The following LNP1 variants were observed in gnomAD, a reference collection of about 807,000 sequenced individuals.
The protein encoded by LNP1 is leukemia NUP98 fusion partner 1.
LNP1 carries 12 observed loss-of-function variants against 14.5 expected under a neutral mutation model. The ratio of observed to expected loss-of-function variants is 0.83; its 90% confidence interval spans 0.53 to 1.34. The LOEUF (loss-of-function observed/expected upper bound fraction) is 1.34, where lower values mean the gene tolerates loss of function less well. Among genes scored for constraint, LNP1 ranks in the 40% most tolerant of loss-of-function variants. LNP1 has a pLI of 0.00. For missense variants in LNP1, 198 were observed against 210.9 expected (o/e 0.94, Z 0.38); for synonymous variants, 75 against 71.4 (o/e 1.05, Z -0.26).
chr3:100,412,292 C>T (rs1025976102), intron 1 of LNP1, among the ~76,000 whole-genome samples: 2 of 152,166 alleles, frequency 1.3e-5, no homozygotes, highest in Non-Finnish European at 2.9e-5. Flanking sequence ...GAACTCACTA[C>T]CGTGAGAATA....
intron 3 of LNP1, among the ~76,000 whole-genome samples, 178 bp downstream of exon 3, chr3:100,452,127 T>C (rs1707466062): frequency 6.6e-6 from 1 of 152,098 alleles, no homozygotes; most frequent in Non-Finnish European, 1.5e-5. Flanking sequence ...AAGAATATTA[T>C]TTATAATTGA....
At chr3:100,409,606 A>ATATATT (rs1429906485) in intron 1 of LNP1, among the ~76,000 whole-genome samples, 11 of 124,436 alleles carry the variant, frequency 8.8e-5, no homozygotes, top group African/African-American at 3.5e-4. Context: ...ATATATATAT[A>ATATATT]TTTTTTTTTT....
intron 1 of LNP1, among the ~76,000 whole-genome samples, chr3:100,422,772 A>G (rs943875877): frequency 4.0e-5 from 6 of 149,730 alleles, no homozygotes; most frequent in Admixed American, 6.7e-5. Context: ...TTATAGGCAA[A>G]TCTCTGAAAA....
intron 3 of LNP1, 126 bp from the exon 4 acceptor site, chr3:100,455,651 C>A: frequency 1.1e-6 from 1 of 893,606 alleles, no homozygotes; most frequent in Non-Finnish European, 1.8e-6. Flanking sequence ...TAATTTATTT[C>A]TAGAAACCAA....
rs2148903403 is a variant in LNP1 at position 100,429,824 on chromosome 3, G to A, written c.95G>A (p.Gly32Glu). The A allele has an allele frequency of 3.7e-6, 6 of 1,613,936 alleles. No individual in the cohort carries two copies. The highest frequency in any genetic ancestry group is 2.5e-6 in the Non-Finnish European group (3 of 1,179,954). Residue 32 changes from glycine (G) to glutamate (E), a missense_variant, in exon 2 of 4, where the codon GGA (glycine) becomes GAA (glutamate). Gly to Glu is a moderately conservative substitution (Grantham distance 98). Coordinates refer to ENST00000383693, the MANE Select transcript of LNP1 (RefSeq NM_001085451.2). ...AGCTGGAGAGAGGAGGATCAGAGAG[G>A]ACTCCGGGAACGCCACCGACTGCAA... ...GHSWREEDQR[G>E]LRERHRLQAT...
chr3:100,409,587 CACACAT>C (rs1460246231), intron 1 of LNP1, among the ~76,000 whole-genome samples: 145 of 112,462 alleles, frequency 1.3e-3, no homozygotes, highest in African/African-American at 6.9e-3. Flanking sequence ...CACACACACA[CACACAT>C]ATATATATAT....
intron 2 of LNP1, among the ~76,000 whole-genome samples, chr3:100,442,757 AC>A (rs1707356319): frequency 6.6e-6 from 1 of 152,064 alleles, no homozygotes; most frequent in African/African-American, 2.4e-5. Context: ...TTTTTCTTTC[AC>A]ATTTCCCTCC....
chr3:100,440,864 A>T (rs1326597672), intron 2 of LNP1, among the ~76,000 whole-genome samples: 4 of 152,194 alleles, frequency 2.6e-5, no homozygotes, highest in Non-Finnish European at 5.9e-5. Flanking sequence ...TCTGGCAGGA[A>T]CCTGAACCAA....
At chr3:100,412,517 C>G (rs904611457) in intron 1 of LNP1, among the ~76,000 whole-genome samples, 1 of 152,150 alleles carries the variant, frequency 6.6e-6, no homozygotes, top group Non-Finnish European at 1.5e-5. Context: ...TCCCAGAATA[C>G]TTTTTCTGGG....
intron 2 of LNP1, among the ~76,000 whole-genome samples, chr3:100,435,503 A>C (rs977500467): frequency 2.6e-5 from 4 of 152,212 alleles, no homozygotes; most frequent in African/African-American, 9.6e-5. Context: ...TTATTTATTA[A>C]AAAAATAATT....
chr3:100,436,138 G>C (rs1345675338), intron 2 of LNP1, among the ~76,000 whole-genome samples: 2 of 152,194 alleles, frequency 1.3e-5, no homozygotes, highest in African/African-American at 4.8e-5. Context: ...GTGGCGGTCA[G>C]AATATAGTTT....
chr3:100,407,662 ACTG>A (rs1241826983), intron 1 of LNP1, among the ~76,000 whole-genome samples: 1 of 152,212 alleles, frequency 6.6e-6, no homozygotes, highest in Non-Finnish European at 1.5e-5. Context: ...TTCTGCTATT[ACTG>A]CTTTAAATAA....
chr3:100,455,843 A>G lies in LNP1; in HGVS notation c.454A>G (p.Lys152Glu), dbSNP rs753750937. The change falls in exon 4 of 4, where the codon AAA becomes GAA. Residue 152 changes from lysine (K) to glutamate (E), a missense_variant. Physicochemically the swap from Lys to Glu is moderately conservative, Grantham distance 56. Coordinates refer to ENST00000383693, the MANE Select transcript of LNP1 (RefSeq NM_001085451.2). ...GAGGATGGAGATAAAATCCCGAAAGAAAGTAGAGGAAGAAAGGAGCTCTAG... is the reference window on the plus strand; with the variant it reads ...GAGGATGGAGATAAAATCCCGAAAGGAAGTAGAGGAAGAAAGGAGCTCTAG... The part of the protein sequence containing the change: ...CLRMEIKSRK[K>E]VEEERSSRKE... The G allele has an allele frequency of 1.9e-6, 3 of 1,614,136 alleles. No homozygotes were observed. In the East Asian group the frequency reaches 6.7e-5, roughly 36 times the overall value.
chr3:100,442,888 G>C (rs1707357663), intron 2 of LNP1, among the ~76,000 whole-genome samples: 1 of 152,176 alleles, frequency 6.6e-6, no homozygotes, highest in Non-Finnish European at 1.5e-5. Context: ...TAGGTCCTGA[G>C]TTGTTATGCA....
At chr3:100,435,932 C>T (rs1379497405) in intron 2 of LNP1, among the ~76,000 whole-genome samples, 2 of 152,144 alleles carry the variant, frequency 1.3e-5, no homozygotes, top group African/African-American at 4.8e-5. Context: ...CATAAACTGG[C>T]TAGAACCAGT....
intron 2 of LNP1, among the ~76,000 whole-genome samples, chr3:100,436,745 A>C (rs1707297840): frequency 6.6e-6 from 1 of 152,102 alleles, no homozygotes; most frequent in Non-Finnish European, 1.5e-5. Context: ...CCCTTCCCCC[A>C]TTCATATGCT....
chr3:100,431,995 TATATATATATA>T, intron 2 of LNP1, among the ~76,000 whole-genome samples: 1 of 978 alleles, frequency 1.0e-3, no homozygotes, highest in Non-Finnish European at 2.9e-3. Flanking sequence ...ACCTTGTTTA[TATATATATATA>T]TATATATATA....
intron 2 of LNP1, among the ~76,000 whole-genome samples, chr3:100,451,056 A>G (rs1468385821): frequency 6.6e-6 from 1 of 152,150 alleles, no homozygotes; most frequent in Non-Finnish European, 1.5e-5. Context: ...CCAAGCAGCA[A>G]TGGGAGATTT....
chr3:100,421,438 C>T (rs1707142725), intron 1 of LNP1, among the ~76,000 whole-genome samples: 1 of 152,270 alleles, frequency 6.6e-6, no homozygotes, highest in African/African-American at 2.4e-5. Context: ...TATCTGGGCA[C>T]CATGGACCAG....
Sources: allele counts gnomAD v4.1 joint callset (sites outside exome capture counted in the v4.1 genomes callset), GRCh38; gene constraint gnomAD v4.1.1; transcripts MANE v1.5; gene names NCBI Gene and HGNC (gene_info 2026-07-23, HGNC 2026-07-21).